Variants in ARHGAP22 observed in about 807,000 individuals in gnomAD.
The protein encoded by ARHGAP22 is rho GTPase-activating protein 22.
In ARHGAP22, 48 loss-of-function variants were observed where a neutral mutation model predicts 59.1. That is an observed-to-expected ratio of 0.81 (90% confidence interval 0.64 to 1.03). The LOEUF is 1.03. Among genes scored for constraint, ARHGAP22 ranks in the 50% least tolerant of loss-of-function variants. The pLI, the probability that ARHGAP22 is intolerant of heterozygous loss-of-function variation, is 0.00. For missense variants in ARHGAP22, 1,015 were observed against 958.7 expected, an observed-to-expected ratio of 1.06 and a Z score of -0.78; for synonymous variants, 445 against 416.4, an observed-to-expected ratio of 1.07 and a Z score of -0.84.
At chr10:48,643,151 C>T (rs1272564119) in intron 1 of ARHGAP22, among the ~76,000 whole-genome samples, 1 of 152,178 alleles carries the variant, frequency 6.6e-6, no homozygotes, top group Non-Finnish European at 1.5e-5. Flanking sequence ...GGACTGTAAA[C>T]TAGTTCGACC....
At chr10:48,555,413 A>G in intron 3 of ARHGAP22, 50 bp downstream of exon 3, 4 of 1,567,114 alleles carry the variant, frequency 2.6e-6, no homozygotes, top group South Asian at 2.2e-5. Context: ...GGCCAGGGGC[A>G]TGGCAACACC....
rs528457146 is a variant in ARHGAP22 at position 48,550,087 on chromosome 10, G to C, written c.322+5376C>G. Among the ~76,000 whole-genome samples, 7 of 152,302 alleles carry C rather than the reference G, an allele frequency of 4.6e-5. No homozygotes were observed. The South Asian group carries it at 1.4e-3, about 32-fold the overall frequency. On this transcript the variant is annotated intron_variant, in intron 3 of 9. Transcript: ENST00000249601. ...GACACACAGACCCCGTGCCCACTGT[G>C]CTTGCCCATTGCTGCTTCTGCCCAG...
chr10:48,655,051 T>C (rs1240815089), upstream of ARHGAP22, among the ~76,000 whole-genome samples: 38 of 63,114 alleles, frequency 6.0e-4, 1 homozygote, highest in African/African-American at 1.0e-3. Flanking sequence ...TCTTTCTTTC[T>C]TTCTCCTTCC....
chr10:48,458,539 A>C (rs4012794), intron 5 of ARHGAP22, among the ~76,000 whole-genome samples: 137,979 of 152,182 alleles, frequency 0.91, 63,938 homozygotes, highest in East Asian at 1. Context: ...TGAGTAGGGG[A>C]GTGGCAAGGT....
chr10:48,616,894 A>G (rs2061101294), intron 1 of ARHGAP22, among the ~76,000 whole-genome samples: 1 of 152,152 alleles, frequency 6.6e-6, no homozygotes, highest in African/African-American at 2.4e-5. Flanking sequence ...TGAAGAAATT[A>G]AAAATAGTAC....
At chr10:48,525,839 A>G (rs2134836612) in intron 3 of ARHGAP22, among the ~76,000 whole-genome samples, 1 of 152,352 alleles carries the variant, frequency 6.6e-6, no homozygotes, top group South Asian at 2.1e-4. Context: ...TGGAAGAAGA[A>G]TGGAGTAAAG....
chr10:48,491,960 A>G (rs953078449), intron 3 of ARHGAP22, among the ~76,000 whole-genome samples: 2 of 152,226 alleles, frequency 1.3e-5, no homozygotes, highest in South Asian at 4.1e-4. Flanking sequence ...CCAGGTGACC[A>G]GCCCTTTTTG....
chr10:48,479,575 G>A, intron 4 of ARHGAP22, 61 bp downstream of exon 4: 1 of 1,612,896 alleles, frequency 6.2e-7, no homozygotes, highest in Non-Finnish European at 8.5e-7. Flanking sequence ...GGACAGGCAG[G>A]GGGCATGATT....
chr10:48,535,548 A>G (rs1378954635), intron 3 of ARHGAP22, among the ~76,000 whole-genome samples: 1 of 152,204 alleles, frequency 6.6e-6, no homozygotes, highest in Non-Finnish European at 1.5e-5. Flanking sequence ...ACCAGGGTTT[A>G]GTCATGTGAC....
At chr10:48,442,891 T>A (rs904277455), downstream of ARHGAP22, among the ~76,000 whole-genome samples, 4 of 152,188 alleles carry the variant, frequency 2.6e-5, no homozygotes, top group Non-Finnish European at 4.4e-5. Flanking sequence ...TATGAAACCA[T>A]TGGGTTAAGA....
chr10:48,556,167 CATGAGGTATAGGG>C (rs559653831), intron 2 of ARHGAP22, among the ~76,000 whole-genome samples: 5 of 152,144 alleles, frequency 3.3e-5, no homozygotes, highest in Non-Finnish European at 5.9e-5. Flanking sequence ...AGAAAAAAAG[CATGAGGTATAGGG>C]ACGGGGAGGC....
chr10:48,536,667 G>A (rs139073372), intron 3 of ARHGAP22, among the ~76,000 whole-genome samples: 6 of 152,298 alleles, frequency 3.9e-5, no homozygotes, highest in African/African-American at 1.4e-4. Flanking sequence ...AATCAATTCT[G>A]TGGGCTTTGT....
intron 3 of ARHGAP22, among the ~76,000 whole-genome samples, chr10:48,491,381 G>T (rs549093918): frequency 6.6e-6 from 1 of 152,206 alleles, no homozygotes; most frequent in South Asian, 2.1e-4. Context: ...CCTTCTTGGG[G>T]AATCTTTCCT....
chr10:48,612,335 C>G (rs1171421279), intron 1 of ARHGAP22, among the ~76,000 whole-genome samples: 1 of 152,216 alleles, frequency 6.6e-6, no homozygotes, highest in African/African-American at 2.4e-5. Context: ...CCCCATCTCC[C>G]TCTTCGGAAG....
At chr10:48,553,902 G>A (rs1439661470) in intron 3 of ARHGAP22, among the ~76,000 whole-genome samples, 2 of 152,124 alleles carry the variant, frequency 1.3e-5, no homozygotes, top group Non-Finnish European at 2.9e-5. Flanking sequence ...TTCTGGCCTT[G>A]AGTCACTACC....
chr10:48,535,568 C>A (rs1436225577), intron 3 of ARHGAP22, among the ~76,000 whole-genome samples: 1 of 152,172 alleles, frequency 6.6e-6, no homozygotes, highest in Non-Finnish European at 1.5e-5. Context: ...CCCTGTCTTA[C>A]TGCAGGGAGG....
upstream of ARHGAP22, among the ~76,000 whole-genome samples, chr10:48,609,791 G>T (rs2060811745): frequency 6.6e-6 from 1 of 152,152 alleles, no homozygotes; most frequent in Non-Finnish European, 1.5e-5. Context: ...AAGGCCTGTT[G>T]CGAGATCTTT....
intron 4 of ARHGAP22, among the ~76,000 whole-genome samples, chr10:48,475,806 G>T (rs2134016836): frequency 6.6e-6 from 1 of 152,276 alleles, no homozygotes; most frequent in Middle Eastern, 3.4e-3. Context: ...GATGGGCCAG[G>T]TTCTGCCACT....
At chr10:48,459,932 G>A (rs55676825) in intron 4 of ARHGAP22, 41 bp from the exon 5 acceptor site, 1 of 1,582,934 alleles carries the variant, frequency 6.3e-7, no homozygotes, top group Non-Finnish European at 8.6e-7. Context: ...CCACCACCCA[G>A]CTCAGTGTTG....
Sources: allele counts gnomAD v4.1 joint callset (sites outside exome capture counted in the v4.1 genomes callset), GRCh38; gene constraint gnomAD v4.1.1; transcripts MANE v1.5; gene names NCBI Gene and HGNC (gene_info 2026-07-23, HGNC 2026-07-21).